Variants in PKHD1 observed in about 807,000 individuals in gnomAD.
PKHD1 encodes fibrocystin.
A neutral mutation model predicts 412.0 loss-of-function variants in PKHD1; 291 were observed. The ratio of observed to expected loss-of-function variants is 0.71; its 90% CI spans 0.64 to 0.78. The LOEUF (loss-of-function observed/expected upper bound fraction) is 0.78, where lower values mean the gene tolerates loss of function less well. Ranked by LOEUF, PKHD1 falls within the 30% of genes least tolerant of loss-of-function variation. The pLI, the probability that PKHD1 is intolerant of heterozygous loss-of-function variation, is 0.00. For missense variants in PKHD1, 4,825 were observed against 4,950.7 expected, an observed-to-expected ratio of 0.97 and a Z score of 0.76; for synonymous variants, 1,777 against 1,821.5, an observed-to-expected ratio of 0.98 and a Z score of 0.62.
chr6:51,781,309 T>C (rs1277531565), intron 53 of PKHD1, among the ~76,000 whole-genome samples: 1 of 152,180 alleles, frequency 6.6e-6, no homozygotes. Flanking sequence ...AGAATGGGGC[T>C]TGCAGTCCAG....
chr6:51,934,799 C>G (rs1263546272), intron 36 of PKHD1, among the ~76,000 whole-genome samples: 2 of 152,148 alleles, frequency 1.3e-5, no homozygotes, highest in Non-Finnish European at 2.9e-5. Flanking sequence ...ATTATACTTT[C>G]TTTTGTTAAC....
intron 60 of PKHD1, among the ~76,000 whole-genome samples, chr6:51,665,967 T>C (rs6937025): frequency 0.27 from 41,760 of 151,962 alleles, 6,521 homozygotes; most frequent in South Asian, 0.41. Flanking sequence ...AGGCACTCTA[T>C]CTGCTGGGAG....
At chr6:51,933,131 C>T (rs188090292) in intron 37 of PKHD1, among the ~76,000 whole-genome samples, 7 of 152,288 alleles carry the variant, frequency 4.6e-5, no homozygotes, top group Non-Finnish European at 8.8e-5. Context: ...TAAACACCCA[C>T]TGAAATATGC....
intron 60 of PKHD1, among the ~76,000 whole-genome samples, chr6:51,732,008 A>G (rs898600790): frequency 1.3e-5 from 2 of 152,204 alleles, no homozygotes; most frequent in East Asian, 3.8e-4. Flanking sequence ...TTATAAATTG[A>G]CATGGCATAA....
intron 36 of PKHD1, among the ~76,000 whole-genome samples, chr6:51,935,640 G>A (rs528887169): frequency 1.3e-5 from 2 of 152,076 alleles, no homozygotes; most frequent in African/African-American, 2.4e-5. Context: ...GCTACAAAAG[G>A]TCCCTCATGA....
intron 53 of PKHD1, among the ~76,000 whole-genome samples, chr6:51,789,240 GTTC>G (rs1717242256): frequency 6.6e-6 from 1 of 152,058 alleles, no homozygotes; most frequent in African/African-American, 2.4e-5. Context: ...CTTAAAATAT[GTTC>G]TTATCCTTAG....
At chr6:51,883,346 C>A (rs1777682755) in intron 45 of PKHD1, 119 bp from the exon 46 acceptor site, 2 of 922,904 alleles carry the variant, frequency 2.2e-6, no homozygotes, top group Non-Finnish European at 3.5e-6. Flanking sequence ...ATTAAAGCAC[C>A]TTTTGTCCAT....
chr6:51,663,899 C>T (rs931030045), intron 60 of PKHD1, among the ~76,000 whole-genome samples: 4 of 152,052 alleles, frequency 2.6e-5, no homozygotes, highest in Non-Finnish European at 4.4e-5. Flanking sequence ...TATTGTATCT[C>T]ATAGTTGATT....
At chr6:52,063,426 T>C (rs60201238) in intron 13 of PKHD1, among the ~76,000 whole-genome samples, 1,560 of 152,288 alleles carry the variant, frequency 0.01, 29 homozygotes, top group African/African-American at 0.035. Flanking sequence ...AGGGAAAATA[T>C]ATACTCAAAG....
intron 50 of PKHD1, among the ~76,000 whole-genome samples, chr6:51,838,740 G>A (rs1769672625): frequency 6.6e-6 from 1 of 152,190 alleles, no homozygotes; most frequent in African/African-American, 2.4e-5. Context: ...AAGAATGTGG[G>A]TGCTGGAGCC....
In PKHD1 at chr6:51,627,022, T is replaced by C. The variant is rs1458940753; in HGVS notation, c.11760A>G (p.Lys3920=). The C allele has an allele frequency of 6.2e-7, 1 of 1,613,466 alleles. No homozygotes were observed. Among genetic ancestry groups the C allele is most frequent in the East Asian group, 2.2e-5 (1 of 44,866 alleles). The part of the protein sequence containing the change: ...SSKRRESQGP[K]KEDTVVGEDM... ...CTTCTCCCACCACAGTGTCTTCTTT[T>C]TTGGGCCCTTGTGATTCTCGGCGTT... Residue 3920 remains lysine, a synonymous_variant, in exon 66 of 67, where the codon AAA becomes AAG. Coordinates refer to ENST00000371117, the MANE Select transcript of PKHD1 (RefSeq NM_138694.4).
chr6:51,774,090 A>G (rs931336772), intron 54 of PKHD1, among the ~76,000 whole-genome samples: 1 of 151,982 alleles, frequency 6.6e-6, no homozygotes, highest in African/African-American at 2.4e-5. Flanking sequence ...CAACCAAAGC[A>G]TTTATAACAA....
chr6:52,071,837 G>A (rs1191618319), intron 8 of PKHD1, among the ~76,000 whole-genome samples: 2 of 152,124 alleles, frequency 1.3e-5, no homozygotes, highest in East Asian at 3.8e-4. Context: ...TCAATGTAAA[G>A]CATTCGAGCA....
intron 43 of PKHD1, among the ~76,000 whole-genome samples, chr6:51,901,665 TATA>T (rs1401926950): frequency 1.5e-5 from 2 of 133,348 alleles, no homozygotes; most frequent in Non-Finnish European, 3.2e-5. Context: ...AAACTTAAAG[TATA>T]ATAATAAAAG....
chr6:51,993,284 C>A (rs532878316), intron 35 of PKHD1, among the ~76,000 whole-genome samples: 3 of 152,212 alleles, frequency 2.0e-5, no homozygotes, highest in Non-Finnish European at 4.4e-5. Flanking sequence ...TCCCAGGAGC[C>A]GAGCAGGCAG....
chr6:51,713,660 T>C (rs1052316712), intron 60 of PKHD1, among the ~76,000 whole-genome samples: 22 of 152,240 alleles, frequency 1.4e-4, no homozygotes, highest in African/African-American at 5.3e-4. Context: ...TGCAGAGATT[T>C]ACACTCAAGA....
rs768927011 is a variant in PKHD1, at chr6:52,024,924, G to A, written c.4886C>T (p.Thr1629Ile). ...TTCCAGGGCAACAGAGCCATTCCCTGTGGGAACAATGCACCGGATGAGCTC... is the reference window on the plus strand; with the variant it reads ...TTCCAGGGCAACAGAGCCATTCCCTATGGGAACAATGCACCGGATGAGCTC... The part of the protein sequence containing the change: ...GAELIRCIVP[T>I]GNGSVALEIE... The change falls in exon 32 of 67, where the codon ACA (threonine) becomes ATA (isoleucine). Residue 1629 changes from threonine (T) to isoleucine (I), a missense_variant. Thr to Ile is a moderately conservative substitution (Grantham distance 89). Transcript: ENST00000371117. The A allele has an allele frequency of 1.2e-6, 2 of 1,614,068 alleles. No individual in the cohort carries two copies. The highest frequency in any genetic ancestry group is 2.2e-5 in the South Asian group (2 of 91,084).
intron 23 of PKHD1, 112 bp downstream of exon 23, chr6:52,048,380 A>C (rs2128192305): frequency 9.2e-7 from 1 of 1,089,968 alleles, no homozygotes; most frequent in East Asian, 2.4e-5. Flanking sequence ...AAAATAAATA[A>C]AATAGCTTTA....
chr6:51,902,057 G>A (rs1048730886), intron 43 of PKHD1, among the ~76,000 whole-genome samples: 1 of 152,144 alleles, frequency 6.6e-6, no homozygotes, highest in African/African-American at 2.4e-5. Context: ...CCGTCCAGCA[G>A]ACCACATACT....
Sources: allele counts gnomAD v4.1 joint callset (sites outside exome capture counted in the v4.1 genomes callset), GRCh38; gene constraint gnomAD v4.1.1; transcripts MANE v1.5; gene names NCBI Gene and HGNC (gene_info 2026-07-23, HGNC 2026-07-21).